RNF10: variants seen among roughly 807,000 people sequenced by gnomAD.
RNF10 encodes ring finger protein 10, also known as E3 ubiquitin-protein ligase RNF10.
Under a neutral mutation model 91.4 loss-of-function variants are expected in RNF10, and 38 were observed. That is an observed-to-expected ratio of 0.42 (90% CI 0.32 to 0.54). The LOEUF (loss-of-function observed/expected upper bound fraction) is 0.54. Among genes scored for constraint, RNF10 ranks in the 20% least tolerant of loss-of-function variants. RNF10 has a pLI of 0.16. For synonymous variants in RNF10, 364 were observed against 366.3 expected (o/e 0.99, Z 0.07); for missense variants, 945 against 1,012.0 (o/e 0.93, Z 0.90).
intron 14 of RNF10, chr12:120,574,867 G>A (rs1202778204): frequency 5.2e-5 from 11 of 212,622 alleles, no homozygotes; most frequent in Non-Finnish European, 8.6e-5. Context: ...CAGAGGTTGC[G>A]GTAAGCCAAG....
chr12:120,566,885 C>A lies in RNF10; in HGVS notation c.1946C>A (p.Thr649Asn). ...CAGTTTCCTGCCTTCAATTCTTATA[C>A]CTGCTCCTCTGATTCTGCTTTGGGT... ...LQQFPAFNSY[T>N]CSSDSALGPT... Residue 649 changes from threonine to asparagine, a missense_variant, in exon 13 of 17, where the codon ACC becomes AAC. Transcript: ENST00000325954. The A allele has an allele frequency of 6.2e-7, 1 of 1,613,952 alleles. No individual in the cohort carries two copies.
chr12:120,553,469 C>G (rs1000779305), intron 3 of RNF10, among the ~76,000 whole-genome samples: 61 of 146,828 alleles, frequency 4.2e-4, no homozygotes, highest in East Asian at 2.2e-3. Context: ...GTGGCACGAT[C>G]TCAGCTCGCT....
chr12:120,545,500 A>G (rs1050707239), intron 1 of RNF10, among the ~76,000 whole-genome samples: 1 of 151,308 alleles, frequency 6.6e-6, no homozygotes, highest in Middle Eastern at 3.3e-3. Flanking sequence ...CCATTTTTAA[A>G]AAGGATATGA....
chr12:120,542,299 G>A (rs1565945253), intron 1 of RNF10, among the ~76,000 whole-genome samples: 1 of 152,128 alleles, frequency 6.6e-6, no homozygotes. Context: ...GACTGCAGGT[G>A]TGTGCCACCA....
intron 6 of RNF10, among the ~76,000 whole-genome samples, chr12:120,558,555 A>G: frequency 6.9e-6 from 1 of 145,496 alleles, no homozygotes; most frequent in East Asian, 2.0e-4. Context: ...TTATAGATAT[A>G]TAATATAATA....
At chr12:120,551,431 A>G (rs986141526) in intron 2 of RNF10, among the ~76,000 whole-genome samples, 3 of 147,380 alleles carry the variant, frequency 2.0e-5, no homozygotes, top group African/African-American at 7.6e-5. Context: ...AGTAGCTGGT[A>G]TTTCAGGCAC....
intron 13 of RNF10, among the ~76,000 whole-genome samples, chr12:120,568,114 G>GTGTA (rs1382384095): frequency 1.1e-4 from 16 of 151,926 alleles, no homozygotes; most frequent in Admixed American, 1.3e-4. Context: ...GTGTGGTAGT[G>GTGTA]TGTACCTGTA....
Position 120,539,506 on chromosome 12 carries a change from G to C in RNF10, c.157+4538G>C, listed in dbSNP as rs982281712. 8.8e-6 allele frequency: 9 copies of C among 1,025,110 alleles called. No individual in the cohort carries two copies. The African/African-American group carries it at 1.5e-4, about 17-fold the overall frequency. 63.5% of individuals were successfully genotyped at this position (1,025,110 alleles called of 1,614,324 possible). A position where few individuals can be genotyped will look rare whatever the true frequency, so the allele number is the denominator to read the frequency against. On this transcript the variant is annotated intron_variant, in intron 1 of 16. Transcript: ENST00000325954. ...CTTGTGATTACAGCATGAATCAGCA[G>C]CAGAAACTTGCTGACTGGTATTCTG...
intron 1 of RNF10, among the ~76,000 whole-genome samples, chr12:120,537,145 C>G (rs1205187967): frequency 6.6e-6 from 1 of 151,712 alleles, no homozygotes; most frequent in Non-Finnish European, 1.5e-5. Flanking sequence ...CCCTGTCCTA[C>G]AAAAAAATAA....
At position 120,566,890 on chromosome 12, in the gene RNF10, T is replaced by C. The variant is rs1439338638; in HGVS notation, c.1951T>C (p.Ser651Pro). The change falls in exon 13 of 17, where the codon TCC becomes CCC. Residue 651 changes from serine to proline, a missense_variant. Transcript: ENST00000325954. ...QFPAFNSYTC[S>P]SDSALGPTST... ...TCCTGCCTTCAATTCTTATACCTGC[T>C]CCTCTGATTCTGCTTTGGGTCCCAC... 6.2e-7 allele frequency: 1 copy of C among 1,613,976 alleles called. No homozygotes were observed. Among genetic ancestry groups the C allele is most frequent in the Admixed American group, 1.7e-5 (1 of 60,000 alleles).
At chr12:120,543,108 T>C (rs967024049) in intron 1 of RNF10, among the ~76,000 whole-genome samples, 1 of 152,206 alleles carries the variant, frequency 6.6e-6, no homozygotes, top group East Asian at 1.9e-4. Context: ...ATTTTCTTCT[T>C]TCTGAGGCAT....
chr12:120,557,520 G>C (rs1423137427), intron 5 of RNF10, 26 bp from the exon 6 acceptor site: 1 of 1,614,030 alleles, frequency 6.2e-7, no homozygotes, highest in Non-Finnish European at 8.5e-7. Context: ...TCCTTGCCCT[G>C]CTACATATGA....
intron 6 of RNF10, among the ~76,000 whole-genome samples, chr12:120,559,537 A>C (rs1444407157): frequency 6.6e-6 from 1 of 151,856 alleles, no homozygotes; most frequent in Non-Finnish European, 1.5e-5. Flanking sequence ...GGCACGCACC[A>C]CCACACCTGG....
chr12:120,551,300 T>G (rs1003593499), intron 2 of RNF10, among the ~76,000 whole-genome samples: 1 of 134,138 alleles, frequency 7.5e-6, no homozygotes, highest in Non-Finnish European at 1.7e-5. Context: ...GTTTTTTTTT[T>G]TTTTTTTTTT....
intron 10 of RNF10, among the ~76,000 whole-genome samples, chr12:120,564,709 C>T (rs922267417): frequency 1.3e-5 from 2 of 152,100 alleles, no homozygotes; most frequent in African/African-American, 4.8e-5. Context: ...GTCAGTGGTT[C>T]CCAGGTTTTT....
In RNF10 at chr12:120,569,157, C is replaced by T. The variant is rs528621978; in HGVS notation, c.2042-2034C>T. On this transcript the variant is annotated intron_variant, in intron 13 of 16. Coordinates refer to ENST00000325954, the MANE Select transcript of RNF10 (RefSeq NM_014868.5). The stretch of plus-strand genomic sequence containing the variant: ...GCTAATTTTGTATTTTTAGTAGAGA[C>T]AGGGTTTCTCCATGTTGGTCAGGCT... Among the ~76,000 whole-genome samples the T allele has an allele frequency of 3.3e-5, 5 of 152,164 alleles. No individual in the cohort carries two copies. The South Asian group carries it at 6.2e-4, about 19-fold the overall frequency.
intron 4 of RNF10, among the ~76,000 whole-genome samples, chr12:120,556,381 A>G (rs1874012788): frequency 6.6e-6 from 1 of 150,944 alleles, no homozygotes; most frequent in South Asian, 2.1e-4. Flanking sequence ...AAAAAAAAAA[A>G]TTAGCCCGGC....
At chr12:120,540,496 T>C (rs1670713285) in intron 1 of RNF10, among the ~76,000 whole-genome samples, 1 of 152,192 alleles carries the variant, frequency 6.6e-6, no homozygotes, top group Non-Finnish European at 1.5e-5. Context: ...ATGTATATCC[T>C]GGCAAGTTGT....
intron 11 of RNF10, 64 bp downstream of exon 11, chr12:120,565,253 C>T: frequency 7.9e-7 from 1 of 1,262,134 alleles, no homozygotes; most frequent in Non-Finnish European, 1.2e-6. Context: ...GGCTAGACAC[C>T]CAGTGGGGGA....
Sources: gnomAD v4.1 joint callset for allele counts (sites outside exome capture counted in the v4.1 genomes callset) on GRCh38, gnomAD v4.1.1 for gene constraint, MANE v1.5 for transcripts, NCBI Gene and HGNC (gene_info 2026-07-23, HGNC 2026-07-21) for gene names.